Variants in TOX observed in about 807,000 individuals in gnomAD.
The protein encoded by TOX is thymocyte selection associated high mobility group box.
TOX carries 11 observed loss-of-function variants against 53.7 expected under a neutral mutation model. The observed-to-expected ratio is 0.20, with a 90% CI of 0.13 to 0.34. The LOEUF is 0.34. TOX is among the 10% of genes least tolerant of loss of function. The probability of loss-of-function intolerance (pLI) is 1.00; values close to 1 mark genes in which losing one functional copy is unlikely to be tolerated. For synonymous variants in TOX, 225 were observed against 245.3 expected (o/e 0.92, Z 0.77); for missense variants, 570 against 664.6 (o/e 0.86, Z 1.56).
chr8:59,057,868 A>G (rs1803911915), intron 1 of TOX, among the ~76,000 whole-genome samples: 2 of 152,130 alleles, frequency 1.3e-5, no homozygotes, highest in Admixed American at 1.3e-4. Context: ...TTTTTTGGAT[A>G]CAGAGTCTCA....
intron 3 of TOX, among the ~76,000 whole-genome samples, chr8:58,912,096 G>A (rs2129174003): frequency 6.6e-6 from 1 of 152,314 alleles, no homozygotes; most frequent in East Asian, 1.9e-4. Context: ...CACTGAAATG[G>A]ACTTTGGTTT....
intron 2 of TOX, among the ~76,000 whole-genome samples, chr8:58,943,666 T>C (rs1408948763): frequency 2.0e-5 from 3 of 150,898 alleles, no homozygotes. Flanking sequence ...GTGAATCACA[T>C]GTCCTTGGAA....
At chr8:59,077,661 T>A (rs909738145) in intron 1 of TOX, among the ~76,000 whole-genome samples, 1 of 152,202 alleles carries the variant, frequency 6.6e-6, no homozygotes, top group Admixed American at 6.5e-5. Context: ...ATAGCCTTGA[T>A]GAAAAACTAA....
In TOX at chr8:58,912,672, G is replaced by A. The variant is rs373394274; in HGVS notation, c.411+26630C>T. ...CTGATGCTGCCCCTCTGTGGGCTGCGCTTTGAGAAACCCCACGGCTCAGGA... is the reference window on the plus strand; with the variant it reads ...CTGATGCTGCCCCTCTGTGGGCTGCACTTTGAGAAACCCCACGGCTCAGGA... On this transcript the variant is annotated intron_variant, in intron 3 of 8. Transcript: ENST00000361421. 9.8e-5 allele frequency among the ~76,000 whole-genome samples: 15 copies of A among 152,286 alleles called. No individual in the cohort carries two copies. The East Asian group carries it at 2.3e-3, about 24-fold the overall frequency.
At chr8:59,033,458 G>A (rs962420321) in intron 1 of TOX, among the ~76,000 whole-genome samples, 19 of 152,326 alleles carry the variant, frequency 1.2e-4, no homozygotes, top group African/African-American at 4.1e-4. Flanking sequence ...GGTGGTGGAT[G>A]GTTGCACAAC....
At chr8:58,860,085 A>G (rs1810982554) in intron 3 of TOX, among the ~76,000 whole-genome samples, 1 of 152,168 alleles carries the variant, frequency 6.6e-6, no homozygotes, top group Admixed American at 6.6e-5. Context: ...CAACTGAAAA[A>G]GCAATTTTAC....
rs766560966 is a variant in TOX at position 58,808,261 on chromosome 8, A to G, written c.1401T>C (p.Thr467=). The G allele has an allele frequency of 6.8e-6, 11 of 1,607,394 alleles. No individual in the cohort carries two copies. The highest frequency in any genetic ancestry group is 6.8e-6 in the Non-Finnish European group (8 of 1,177,880). The change falls in exon 8 of 9, where the codon ACT becomes ACC. Residue 467 remains threonine, a synonymous_variant. Coordinates refer to ENST00000361421, the MANE Select transcript of TOX (RefSeq NM_014729.3). ...TAATAGTCTGATAGTCGGGTTGAAG[A>G]GTAAATCCCTGAAAGGGAAAGCAAG... ...LHSPTMQQGF[T]LQPDYQTIIN...
At chr8:58,904,190 G>A (rs1050386548) in intron 3 of TOX, among the ~76,000 whole-genome samples, 6 of 152,038 alleles carry the variant, frequency 3.9e-5, no homozygotes, top group Non-Finnish European at 7.4e-5. Context: ...GCTTCAGAGT[G>A]GAATAAAAAT....
At chr8:58,815,975 G>A (rs796959007) in intron 6 of TOX, among the ~76,000 whole-genome samples, 3 of 152,100 alleles carry the variant, frequency 2.0e-5, no homozygotes, top group South Asian at 2.1e-4. Context: ...TTTTTAACTC[G>A]GTGACTTTTC....
chr8:58,909,100 T>C (rs1019197772), intron 3 of TOX, among the ~76,000 whole-genome samples: 14 of 152,192 alleles, frequency 9.2e-5, no homozygotes, highest in African/African-American at 3.4e-4. Context: ...TAGAATTACC[T>C]AGGGAATTTT....
chr8:59,054,754 C>A (rs1803858505), intron 1 of TOX, among the ~76,000 whole-genome samples: 1 of 149,170 alleles, frequency 6.7e-6, no homozygotes. Context: ...GTACCAACAG[C>A]CACCACAAGC....
intron 1 of TOX, among the ~76,000 whole-genome samples, chr8:59,056,236 G>A (rs972626376): frequency 6.6e-6 from 1 of 151,380 alleles, no homozygotes; most frequent in African/African-American, 2.4e-5. Flanking sequence ...GACCAGCCTG[G>A]GCAACATAGC....
At chr8:58,932,735 T>C (rs1158038958) in intron 3 of TOX, among the ~76,000 whole-genome samples, 2 of 152,180 alleles carry the variant, frequency 1.3e-5, no homozygotes, top group Non-Finnish European at 2.9e-5. Context: ...TCTGAATTCC[T>C]TGATGTGCGG....
Position 58,815,400 on chromosome 8 carries a change from G to A in TOX, c.1330C>T (p.Pro444Ser), listed in dbSNP as rs762159120. Residue 444 changes from proline to serine, a missense_variant, in exon 7 of 9, where the codon CCC becomes TCC. Pro to Ser is a moderately conservative substitution (Grantham distance 74). Around this residue, in one of 3 missense-constraint regions of TOX, gnomAD observed 239 missense variants for 250.7 expected, o/e 0.95. Coordinates refer to ENST00000361421, the MANE Select transcript of TOX (RefSeq NM_014729.3). ...QQHQPLTMQQ[P>S]LGNQLPMQVQ... ...TGCATGGGGAGCTGGTTCCCAAGGGGCTGCTGCATGGTGAGCGGCTGGTGC... is the reference window on the plus strand; with the variant it reads ...TGCATGGGGAGCTGGTTCCCAAGGGACTGCTGCATGGTGAGCGGCTGGTGC... 4 of 1,613,670 alleles carry A rather than the reference G, an allele frequency of 2.5e-6. No homozygotes were observed. The South Asian group carries it at 3.3e-5, about 13-fold the overall frequency.
chr8:59,115,178 A>T (rs987388385), intron 1 of TOX, among the ~76,000 whole-genome samples: 2 of 152,178 alleles, frequency 1.3e-5, no homozygotes, highest in African/African-American at 4.8e-5. Context: ...CACTGAGAAC[A>T]GTGAAGCCCA....
intron 1 of TOX, among the ~76,000 whole-genome samples, chr8:59,077,046 G>A (rs569239981): frequency 1.3e-5 from 2 of 152,368 alleles, no homozygotes; most frequent in African/African-American, 4.8e-5. Flanking sequence ...ATTGAAGGCA[G>A]CGGAGTGAAC....
chr8:59,080,858 A>C (rs536235559), intron 1 of TOX, among the ~76,000 whole-genome samples: 1 of 152,256 alleles, frequency 6.6e-6, no homozygotes, highest in East Asian at 1.9e-4. Context: ...GGGCCAATTA[A>C]ACCTCTTTTC....
chr8:58,912,202 AAAG>A (rs1212912401), intron 3 of TOX, among the ~76,000 whole-genome samples: 1 of 152,246 alleles, frequency 6.6e-6, no homozygotes, highest in African/African-American at 2.4e-5. Flanking sequence ...TTTTGAAATC[AAAG>A]AAGTACAATT....
rs1297683539 is a variant in TOX, at chr8:59,118,747, G to T, written c.102+139C>A. 11 of 458,054 alleles carry T rather than the reference G, an allele frequency of 2.4e-5. No individual in the cohort carries two copies. The highest frequency in any genetic ancestry group is 4.1e-5 in the Non-Finnish European group (11 of 268,546). 28.4% of individuals were successfully genotyped at this position (458,054 alleles called of 1,614,324 possible). A position where few individuals can be genotyped will look rare whatever the true frequency, so the allele number is the denominator to read the frequency against. On this transcript the variant is annotated intron_variant, in intron 1 of 8. Coordinates refer to ENST00000361421, the MANE Select transcript of TOX (RefSeq NM_014729.3). This position sits in a 1 kb window ranked among gnomAD's most constrained non-coding sequence, Gnocchi z 4.1. ...CACAATATTTACTACCCAAGCGCAC[G>T]CAGGCTGCAGCGGGCTGCGAGCCGA...
Sources: gnomAD v4.1 joint callset for allele counts (sites outside exome capture counted in the v4.1 genomes callset) on GRCh38, gnomAD v4.1.1 for gene constraint, gnomAD v4.1.1 regional missense constraint, Gnocchi (gnomAD v3.1) non-coding constraint, MANE v1.5 for transcripts, NCBI Gene and HGNC (gene_info 2026-07-23, HGNC 2026-07-21) for gene names.